The following ALPK1 variants were observed in gnomAD, a reference collection of about 807,000 sequenced individuals.
ALPK1 encodes the protein alpha kinase 1.
ALPK1 carries 110 observed loss-of-function variants against 120.6 expected under a neutral mutation model. That is an observed-to-expected ratio of 0.91 (90% confidence interval 0.78 to 1.07). The LOEUF is 1.07. ALPK1 is among the 50% of genes least tolerant of loss of function. The pLI, the probability that ALPK1 is intolerant of heterozygous loss-of-function variation, is 0.00. For missense variants in ALPK1, 1,498 were observed against 1,483.9 expected (o/e 1.01, Z -0.16); for synonymous variants, 582 against 560.3 (o/e 1.04, Z -0.55).
At chr4:112,375,465 T>A (rs968633251) in intron 2 of ALPK1, among the ~76,000 whole-genome samples, 2 of 152,224 alleles carry the variant, frequency 1.3e-5, no homozygotes, top group Non-Finnish European at 2.9e-5. Flanking sequence ...TGCTGCTTCA[T>A]CTTGCACTTT....
chr4:112,389,607 G>A (rs1732313975), intron 4 of ALPK1, among the ~76,000 whole-genome samples: 1 of 152,244 alleles, frequency 6.6e-6, no homozygotes, highest in African/African-American at 2.4e-5. Flanking sequence ...TGAGCTACTT[G>A]TCAAAGGCAG....
At chr4:112,356,479 C>A (rs1730619714) in intron 2 of ALPK1, 1 of 954,492 alleles carries the variant, frequency 1.0e-6, no homozygotes, top group Non-Finnish European at 1.7e-6. Context: ...AGGACCCACT[C>A]GCAACTCACA....
intron 1 of ALPK1, among the ~76,000 whole-genome samples, chr4:112,304,667 T>C (rs148921221): frequency 0.013 from 1,945 of 152,192 alleles, 60 homozygotes; most frequent in African/African-American, 0.045. Flanking sequence ...GTCAAATAAG[T>C]AGATTGCAAA....
chr4:112,359,289 T>A, intron 2 of ALPK1: 1 of 478,228 alleles, frequency 2.1e-6, no homozygotes, highest in South Asian at 2.0e-5. Flanking sequence ...GGAAGATGCC[T>A]GCAGGGCCCT....
In ALPK1 at chr4:112,431,525, C is replaced by T. The variant is rs775074954; in HGVS notation, c.1978C>T (p.Pro660Ser). ...LQEPNNDNLE[P>S]SQNQPQQQMP... ...GGAACCCAACAATGACAATTTGGAG[C>T]CTTCTCAAAATCAGCCACAGCAACA... The change falls in exon 11 of 16, where the codon CCT becomes TCT. Residue 660 changes from proline (P) to serine (S), a missense_variant. Coordinates refer to ENST00000650871, the MANE Select transcript of ALPK1 (RefSeq NM_025144.4). 15 of 1,614,040 alleles carry T rather than the reference C, an allele frequency of 9.3e-6. No individual in the cohort carries two copies. In the Admixed American group the frequency reaches 1.8e-4, roughly 20 times the overall value.
At chr4:112,407,659 CA>C (rs1181848414) in intron 4 of ALPK1, among the ~76,000 whole-genome samples, 1 of 152,158 alleles carries the variant, frequency 6.6e-6, no homozygotes, top group Non-Finnish European at 1.5e-5. Context: ...TGTGTGTGAA[CA>C]TTTTTTATAG....
At chr4:112,397,740 C>A (rs1560669808) in intron 4 of ALPK1, among the ~76,000 whole-genome samples, 1 of 152,110 alleles carries the variant, frequency 6.6e-6, no homozygotes, top group Non-Finnish European at 1.5e-5. Flanking sequence ...GCTGGAGATT[C>A]CAAATACTGG....
In ALPK1 at chr4:112,395,541, AATG is replaced by A. The variant is rs377470794; in HGVS notation, c.276+12992_276+12994del. ...AGGCACATTATACATTTATTTATTTAATGATATACATGTTCTGTGCATTACTAT... is the reference window on the plus strand; with the variant it reads ...AGGCACATTATACATTTATTTATTTAATATACATGTTCTGTGCATTACTAT... On this transcript the variant is annotated intron_variant, in intron 4 of 15. Coordinates refer to ENST00000650871, the MANE Select transcript of ALPK1 (RefSeq NM_025144.4). 2.0e-4 allele frequency among the ~76,000 whole-genome samples: 30 copies of A among 152,328 alleles called. No individual in the cohort carries two copies. In the East Asian group the frequency reaches 2.5e-3, roughly 13 times the overall value.
At chr4:112,414,265 G>T (rs751493360) in intron 5 of ALPK1, 3 of 495,400 alleles carry the variant, frequency 6.1e-6, no homozygotes, top group Non-Finnish European at 1.2e-5. Flanking sequence ...TCCACCACAG[G>T]ATCCCATCCA....
intron 3 of ALPK1, among the ~76,000 whole-genome samples, chr4:112,378,356 T>C (rs1731758402): frequency 6.6e-6 from 1 of 152,240 alleles, no homozygotes; most frequent in Non-Finnish European, 1.5e-5. Context: ...CACCAATACA[T>C]TCTTCATGCT....
chr4:112,306,673 A>AAT lies in ALPK1; in HGVS notation c.-152-9127_-152-9126dup, dbSNP rs1467795396. 3.3e-5 allele frequency among the ~76,000 whole-genome samples: 5 copies of AAT among 149,362 alleles called. No individual in the cohort carries two copies. In the East Asian group the frequency reaches 1.0e-3, roughly 30 times the overall value. On this transcript the variant is annotated intron_variant, in intron 1 of 15. Transcript: ENST00000650871. ...TTATTAGTCTTGCTAGTGGTCTATC[A>AAT]ATTTTGTTGATCTTTTCAAAAAACC...
At chr4:112,400,709 G>A (rs1732868259) in intron 4 of ALPK1, among the ~76,000 whole-genome samples, 1 of 152,174 alleles carries the variant, frequency 6.6e-6, no homozygotes, top group South Asian at 2.1e-4. Flanking sequence ...ATACAAAAGA[G>A]TAACTTTTAT....
At chr4:112,413,736 A>G (rs1430952069) in intron 5 of ALPK1, among the ~76,000 whole-genome samples, 3 of 151,914 alleles carry the variant, frequency 2.0e-5, no homozygotes, top group African/African-American at 7.3e-5. Context: ...CTTTTTTTAA[A>G]TTGGTTTTGG....
intron 4 of ALPK1, among the ~76,000 whole-genome samples, chr4:112,392,709 T>A (rs1732473798): frequency 6.6e-6 from 1 of 152,130 alleles, no homozygotes; most frequent in South Asian, 2.1e-4. Flanking sequence ...TATTTTTTTG[T>A]AGAGATGGGT....
At chr4:112,419,709 G>T (rs1733905964) in intron 5 of ALPK1, among the ~76,000 whole-genome samples, 1 of 152,152 alleles carries the variant, frequency 6.6e-6, no homozygotes, top group African/African-American at 2.4e-5. Flanking sequence ...GGCTGAAAAT[G>T]GTCCCCTACA....
intron 2 of ALPK1, among the ~76,000 whole-genome samples, chr4:112,338,424 AACAG>A (rs1156688504): frequency 5.9e-5 from 9 of 152,186 alleles, no homozygotes; most frequent in Non-Finnish European, 1.0e-4. Flanking sequence ...AGTGATACTA[AACAG>A]ACAATCAGAA....
chr4:112,440,977 T>A lies in ALPK1; in HGVS notation c.3599T>A (p.Val1200Asp). ...CTCACAGATCCCCAGATTCACTCCG[T>A]TGATCAGAAAGTTTTCACTACCAAT... ...IYLTDPQIHS[V>D]DQKVFTTNFG... The change falls in exon 15 of 16, where the codon GTT becomes GAT. Residue 1200 changes from valine (V) to aspartate (D), a missense_variant. By Grantham distance (152) the Val-to-Asp change is radical. Coordinates refer to ENST00000650871, the MANE Select transcript of ALPK1 (RefSeq NM_025144.4). 6.2e-7 allele frequency: 1 copy of A among 1,613,988 alleles called. No individual in the cohort carries two copies. The highest frequency in any genetic ancestry group is 2.2e-5 in the East Asian group (1 of 44,878).
intron 3 of ALPK1, among the ~76,000 whole-genome samples, chr4:112,378,762 T>C (rs1333830201): frequency 6.6e-6 from 1 of 152,232 alleles, no homozygotes; most frequent in Non-Finnish European, 1.5e-5. Context: ...TTGTTCATTA[T>C]GTAATGGGAA....
At chr4:112,361,368 G>A (rs906982966) in intron 2 of ALPK1, among the ~76,000 whole-genome samples, 15 of 152,152 alleles carry the variant, frequency 9.9e-5, no homozygotes, top group Non-Finnish European at 8.8e-5. Context: ...TGGGGGGAGG[G>A]GCACAGTGGA....
Sources: allele counts gnomAD v4.1 joint callset (sites outside exome capture counted in the v4.1 genomes callset), GRCh38; gene constraint gnomAD v4.1.1; transcripts MANE v1.5; gene names NCBI Gene and HGNC (gene_info 2026-07-23, HGNC 2026-07-21).